Variants in TBC1D5 observed in about 807,000 individuals in gnomAD.
TBC1D5 encodes TBC1 domain family, member 5.
A neutral mutation model predicts 100.3 loss-of-function variants in TBC1D5; 75 were observed. The ratio of observed to expected loss-of-function variants is 0.75; its 90% CI spans 0.62 to 0.91. The LOEUF (loss-of-function observed/expected upper bound fraction) is 0.91, where lower values mean the gene tolerates loss of function less well. Ranked by LOEUF, TBC1D5 falls within the 40% of genes least tolerant of loss-of-function variation. TBC1D5 has a pLI of 0.00. For missense variants in TBC1D5, 910 were observed against 942.4 expected, an observed-to-expected ratio of 0.97 and a Z score of 0.45; for synonymous variants, 323 against 325.6, an observed-to-expected ratio of 0.99 and a Z score of 0.09.
At chr3:17,661,802 T>G (rs1472006170) in intron 1 of TBC1D5, among the ~76,000 whole-genome samples, 1 of 152,126 alleles carries the variant, frequency 6.6e-6, no homozygotes, top group Non-Finnish European at 1.5e-5. Context: ...CTGGCCAGCA[T>G]CTTCTTAAAA....
At chr3:17,203,176 C>T (rs2470581) in intron 18 of TBC1D5, among the ~76,000 whole-genome samples, 10 of 152,024 alleles carry the variant, frequency 6.6e-5, no homozygotes, top group Non-Finnish European at 1.2e-4. Context: ...GTCTGGATGT[C>T]AGACATGGAG....
intron 13 of TBC1D5, among the ~76,000 whole-genome samples, chr3:17,344,445 T>C (rs1470719211): frequency 2.0e-5 from 3 of 151,712 alleles, no homozygotes; most frequent in Non-Finnish European, 3.0e-5. Flanking sequence ...GAACATTCCA[T>C]GCTCATGGGT....
At chr3:17,603,540 A>T (rs2061135962) in intron 2 of TBC1D5, among the ~76,000 whole-genome samples, 1 of 152,142 alleles carries the variant, frequency 6.6e-6, no homozygotes, top group South Asian at 2.1e-4. Context: ...GGAATTCCCC[A>T]CCCCTTTCCC....
chr3:17,420,557 A>C (rs908137125), intron 4 of TBC1D5, among the ~76,000 whole-genome samples: 1 of 152,194 alleles, frequency 6.6e-6, no homozygotes, highest in African/African-American at 2.4e-5. Context: ...AAAATTAACT[A>C]TCCACTTATG....
At chr3:17,454,110 A>G (rs935824208) in intron 3 of TBC1D5, among the ~76,000 whole-genome samples, 1 of 152,304 alleles carries the variant, frequency 6.6e-6, no homozygotes, top group East Asian at 1.9e-4. Flanking sequence ...TGGAGACAGA[A>G]GAACATATCT....
At chr3:17,264,206 C>T (rs1575031467) in intron 15 of TBC1D5, among the ~76,000 whole-genome samples, 2 of 152,014 alleles carry the variant, frequency 1.3e-5, no homozygotes, top group South Asian at 4.1e-4. Flanking sequence ...TAACTAAATA[C>T]TAGATGCTAC....
chr3:17,455,263 TATATAC>T (rs2095037837), intron 3 of TBC1D5, among the ~76,000 whole-genome samples: 1 of 146,924 alleles, frequency 6.8e-6, no homozygotes, highest in Non-Finnish European at 1.5e-5. Context: ...TATGTATACA[TATATAC>T]ATATATGTGT....
At chr3:17,531,340 C>A (rs2096221668) in intron 2 of TBC1D5, among the ~76,000 whole-genome samples, 1 of 152,100 alleles carries the variant, frequency 6.6e-6, no homozygotes, top group African/African-American at 2.4e-5. Context: ...AAAAAGGATA[C>A]AAACAAATGG....
At chr3:17,199,312 T>A (rs1042975220) in intron 18 of TBC1D5, among the ~76,000 whole-genome samples, 6 of 152,252 alleles carry the variant, frequency 3.9e-5, no homozygotes, top group African/African-American at 1.4e-4. Context: ...ATATTCATGT[T>A]TTCATCACTG....
intron 14 of TBC1D5, among the ~76,000 whole-genome samples, chr3:17,298,741 C>G (rs2082513335): frequency 6.6e-6 from 1 of 152,086 alleles, no homozygotes; most frequent in Admixed American, 6.6e-5. Flanking sequence ...CAAGAGGAAA[C>G]TTAACTGCAT....
At chr3:17,625,714 A>G (rs1277751931) in intron 1 of TBC1D5, among the ~76,000 whole-genome samples, 1 of 152,090 alleles carries the variant, frequency 6.6e-6, no homozygotes, top group Non-Finnish European at 1.5e-5. Flanking sequence ...TTACAACCTC[A>G]AAAAATCATG....
intron 18 of TBC1D5, among the ~76,000 whole-genome samples, chr3:17,191,124 G>T (rs2069829016): frequency 1.3e-5 from 2 of 152,166 alleles, no homozygotes; most frequent in Non-Finnish European, 2.9e-5. Flanking sequence ...AAAATAAGTG[G>T]TATGAGGTGT....
intron 18 of TBC1D5, among the ~76,000 whole-genome samples, chr3:17,195,631 G>A (rs1218053395): frequency 6.6e-6 from 1 of 152,102 alleles, no homozygotes; most frequent in Admixed American, 6.6e-5. Flanking sequence ...TGTCCCAATA[G>A]AGACAGACAA....
At chr3:17,452,542 A>G (rs2094951930) in intron 3 of TBC1D5, among the ~76,000 whole-genome samples, 1 of 152,200 alleles carries the variant, frequency 6.6e-6, no homozygotes. Flanking sequence ...TACTTACATC[A>G]GACAAAATAG....
chr3:17,188,688 TAAAAG>T (rs2069472822), intron 18 of TBC1D5, among the ~76,000 whole-genome samples: 1 of 152,234 alleles, frequency 6.6e-6, no homozygotes, highest in Admixed American at 6.5e-5. Context: ...TAATTACACA[TAAAAG>T]AAAGAGCCAA....
In TBC1D5 at chr3:17,631,912, T is replaced by C. The variant is rs1209677922; in HGVS notation, c.-100-7999A>G. Among the ~76,000 whole-genome samples, 5 of 152,252 alleles carry C rather than the reference T, an allele frequency of 3.3e-5. No homozygotes were observed. The East Asian group carries it at 7.7e-4, about 23-fold the overall frequency. The stretch of plus-strand genomic sequence containing the variant: ...TACAAGGAGATTAACGTTGTTTTCA[T>C]GCTTGCTAATATAATATCCATTCTG... On this transcript the variant is annotated intron_variant, in intron 1 of 21. Coordinates refer to ENST00000253692, the Ensembl canonical transcript of TBC1D5.
At chr3:17,721,939 G>A (rs549878409) in intron 1 of TBC1D5, among the ~76,000 whole-genome samples, 55 of 152,004 alleles carry the variant, frequency 3.6e-4, no homozygotes, top group African/African-American at 1.2e-3. Flanking sequence ...CCGAGATCAC[G>A]CCATTGCACT....
intron 1 of TBC1D5, among the ~76,000 whole-genome samples, chr3:17,654,883 T>A (rs550956325): frequency 1.3e-5 from 2 of 152,162 alleles, no homozygotes; most frequent in Non-Finnish European, 2.9e-5. Context: ...CCTGGTTTAG[T>A]CTTGGGAGGG....
intron 1 of TBC1D5, among the ~76,000 whole-genome samples, chr3:17,704,746 G>A (rs1198296910): frequency 1.1e-4 from 6 of 56,882 alleles, no homozygotes; most frequent in African/African-American, 4.0e-4. Context: ...CCGGGCAGAG[G>A]GACTCCTCAC....
Sources: gnomAD v4.1 joint callset for allele counts (sites outside exome capture counted in the v4.1 genomes callset) on GRCh38, gnomAD v4.1.1 for gene constraint, MANE v1.5 for transcripts, NCBI Gene and HGNC (gene_info 2026-07-23, HGNC 2026-07-21) for gene names.